PIK3C2G: variants seen among roughly 807,000 people sequenced by gnomAD.
The protein encoded by PIK3C2G is phosphatidylinositol 3-kinase C2 domain-containing subunit gamma.
Under a neutral mutation model 181.1 loss-of-function variants are expected in PIK3C2G, and 168 were observed. The observed-to-expected ratio is 0.93, with a 90% CI of 0.82 to 1.05. PIK3C2G has a LOEUF of 1.05. PIK3C2G is among the 50% of genes least tolerant of loss of function. The pLI is 0.00. For synonymous variants in PIK3C2G, 573 were observed against 592.2 expected, an observed-to-expected ratio of 0.97 and a Z score of 0.47; for missense variants, 1,869 against 1,732.8, an observed-to-expected ratio of 1.08 and a Z score of -1.40.
At chr12:18,703,742 C>T in the PIK3C2G span, among the ~76,000 whole-genome samples, 1 of 152,198 alleles carries the variant, frequency 6.6e-6, no homozygotes, top group African/African-American at 2.4e-5. Flanking sequence ...CTTTTTCCCA[C>T]ACCAGGAGCA....
intron 15 of PIK3C2G, among the ~76,000 whole-genome samples, chr12:18,396,799 A>T (rs550110448): frequency 3.5e-4 from 53 of 151,870 alleles, no homozygotes; most frequent in African/African-American, 1.2e-3. Context: ...ATGAAAAAAT[A>T]TACTACATTT....
chr12:18,456,668 T>A (rs1282304191), intron 18 of PIK3C2G, among the ~76,000 whole-genome samples: 5 of 152,184 alleles, frequency 3.3e-5, no homozygotes, highest in Non-Finnish European at 7.3e-5. Flanking sequence ...AGCCTCCAGG[T>A]TGAACATACC....
intron 15 of PIK3C2G, among the ~76,000 whole-genome samples, chr12:18,392,086 A>G (rs1416944987): frequency 6.6e-6 from 1 of 152,144 alleles, no homozygotes; most frequent in Non-Finnish European, 1.5e-5. Context: ...GGTGAATGTA[A>G]CAGTTTAGGC....
intron 5 of PIK3C2G, among the ~76,000 whole-genome samples, chr12:18,294,804 A>C (rs545585805): frequency 6.6e-6 from 1 of 152,082 alleles, no homozygotes; most frequent in African/African-American, 2.4e-5. Context: ...TCCCCTTTGC[A>C]TCTCTACAAG....
chr12:18,344,524 G>C (rs746360694), intron 10 of PIK3C2G, among the ~76,000 whole-genome samples: 1 of 152,090 alleles, frequency 6.6e-6, no homozygotes, highest in African/African-American at 2.4e-5. Context: ...CTAAGTGGTC[G>C]TATGTGGAGT....
intron 29 of PIK3C2G, among the ~76,000 whole-genome samples, chr12:18,581,540 C>T (rs1044026499): frequency 6.6e-6 from 1 of 152,214 alleles, no homozygotes; most frequent in African/African-American, 2.4e-5. Context: ...AGGATGATTG[C>T]CAACCACTAA....
At chr12:18,658,460 C>T in the PIK3C2G span, among the ~76,000 whole-genome samples, 1 of 152,126 alleles carries the variant, frequency 6.6e-6, no homozygotes, top group Non-Finnish European at 1.5e-5. Context: ...TCATTATGCA[C>T]AAGAAATCCT....
intron 13 of PIK3C2G, among the ~76,000 whole-genome samples, chr12:18,375,690 G>C (rs567014819): frequency 1.3e-5 from 2 of 152,208 alleles, no homozygotes; most frequent in Non-Finnish European, 2.9e-5. Context: ...GGTCTCAAAG[G>C]CATTTCAGAG....
chr12:18,333,945 G>A (rs11044028), intron 8 of PIK3C2G, among the ~76,000 whole-genome samples: 608 of 152,248 alleles, frequency 4.0e-3, no homozygotes, highest in African/African-American at 0.014. Flanking sequence ...TTTCCAGAAA[G>A]ATGCAGGGGA....
chr12:18,694,294 C>T, the PIK3C2G span, among the ~76,000 whole-genome samples: 2 of 152,040 alleles, frequency 1.3e-5, no homozygotes, highest in African/African-American at 2.4e-5. Flanking sequence ...CAGTCTGCTT[C>T]CCAATAAAGC....
chr12:18,563,875 C>T (rs1405982856), intron 28 of PIK3C2G, among the ~76,000 whole-genome samples: 1 of 150,986 alleles, frequency 6.6e-6, no homozygotes, highest in Non-Finnish European at 1.5e-5. Context: ...GATATGTTTA[C>T]TTTTTCAACA....
chr12:18,666,856 T>C, the PIK3C2G span, among the ~76,000 whole-genome samples: 1 of 152,222 alleles, frequency 6.6e-6, no homozygotes, highest in Non-Finnish European at 1.5e-5. Context: ...AAACTCCATT[T>C]CTTATTTTTG....
intron 29 of PIK3C2G, among the ~76,000 whole-genome samples, chr12:18,588,681 T>C (rs993338036): frequency 1.3e-5 from 2 of 152,168 alleles, no homozygotes; most frequent in Non-Finnish European, 2.9e-5. Flanking sequence ...GAAAGCAGTA[T>C]GGTGATTCCT....
chr12:18,720,370 G>C, the PIK3C2G span, among the ~76,000 whole-genome samples: 1 of 151,492 alleles, frequency 6.6e-6, no homozygotes, highest in East Asian at 2.0e-4. Flanking sequence ...TTTCTGTATG[G>C]TGCATGCCTA....
intron 26 of PIK3C2G, among the ~76,000 whole-genome samples, chr12:18,560,206 T>C (rs1344376327): frequency 1.3e-5 from 2 of 151,926 alleles, no homozygotes; most frequent in African/African-American, 4.8e-5. Flanking sequence ...CCTCTACTCC[T>C]TCCTGAAAGT....
chr12:18,493,608 A>C (rs1940761969), intron 20 of PIK3C2G: 1 of 152,240 alleles, frequency 6.6e-6, no homozygotes, highest in Admixed American at 6.5e-5. Flanking sequence ...GATAGTGTGA[A>C]AGCTGTTATA....
chr12:18,475,414 T>G (rs959479238), intron 18 of PIK3C2G, among the ~76,000 whole-genome samples: 8 of 117,406 alleles, frequency 6.8e-5, no homozygotes, highest in African/African-American at 1.8e-4. Context: ...ACACACCATT[T>G]TTTTCTTACA....
At chr12:18,659,449 T>C in the PIK3C2G span, among the ~76,000 whole-genome samples, 25 of 152,228 alleles carry the variant, frequency 1.6e-4, no homozygotes, top group African/African-American at 5.5e-4. Flanking sequence ...AGAGATGATG[T>C]TTCATAAACA....
At chr12:18,703,325 C>A in the PIK3C2G span, among the ~76,000 whole-genome samples, 3 of 152,080 alleles carry the variant, frequency 2.0e-5, no homozygotes, top group Non-Finnish European at 4.4e-5. Context: ...ACTAGTGTCA[C>A]AACACTTTCA....
Sources: gnomAD v4.1 joint callset for allele counts (sites outside exome capture counted in the v4.1 genomes callset) on GRCh38, gnomAD v4.1.1 for gene constraint, MANE v1.5 for transcripts, NCBI Gene and HGNC (gene_info 2026-07-23, HGNC 2026-07-21) for gene names.